The following NRG1 variants were observed in gnomAD, a reference collection of about 807,000 sequenced individuals.
The protein encoded by NRG1 is pro-neuregulin-1, membrane-bound isoform.
Under a neutral mutation model 63.8 loss-of-function variants are expected in NRG1, and 18 were observed. The ratio of observed to expected loss-of-function variants is 0.28; its 90% CI spans 0.19 to 0.42. The LOEUF (loss-of-function observed/expected upper bound fraction) is 0.42, where lower values mean the gene tolerates loss of function less well. NRG1 is among the 10% of genes least tolerant of loss of function. The pLI is 1.00. For synonymous variants in NRG1, 302 were observed against 301.3 expected (o/e 1.00, Z -0.02); for missense variants, 762 against 814.7 (o/e 0.94, Z 0.79).
At chr8:32,650,655 CAAAAAAAAAA>C (rs59103241) in intron 5 of NRG1, among the ~76,000 whole-genome samples, 4 of 57,820 alleles carry the variant, frequency 6.9e-5, no homozygotes, top group Non-Finnish European at 1.2e-4. Flanking sequence ...TAATGGAAAG[CAAAAAAAAAA>C]AAAAAAAAAA....
chr8:32,643,061 T>C lies in NRG1; in HGVS notation c.502+26176T>C, dbSNP rs538266293. ...GATGTTTTTCTTCATTGAAGCCAGCTTAGAAGGAAGCTGAAATATTATGAA... is the reference window on the plus strand; with the variant it reads ...GATGTTTTTCTTCATTGAAGCCAGCCTAGAAGGAAGCTGAAATATTATGAA... On this transcript the variant is annotated intron_variant, in intron 5 of 11. Transcript: ENST00000356819. 2.6e-5 allele frequency among the ~76,000 whole-genome samples: 4 copies of C among 152,336 alleles called. No individual in the cohort carries two copies. In the South Asian group the frequency reaches 8.3e-4, roughly 32 times the overall value.
chr8:32,034,924 G>GT (rs200952078), intron 1 of NRG1, among the ~76,000 whole-genome samples: 2,537 of 151,008 alleles, frequency 0.017, 46 homozygotes, highest in Middle Eastern at 0.055. Flanking sequence ...ATTTTTAAAG[G>GT]TTTTTTGTGT....
intron 1 of NRG1, among the ~76,000 whole-genome samples, chr8:32,288,727 G>A (rs1019545829): frequency 2.6e-5 from 4 of 152,068 alleles, no homozygotes; most frequent in Non-Finnish European, 5.9e-5. Context: ...CTTTTGCATC[G>A]TCAGCGTGAG....
intron 1 of NRG1, among the ~76,000 whole-genome samples, chr8:31,823,616 G>A (rs192467123): frequency 6.6e-6 from 1 of 152,274 alleles, no homozygotes; most frequent in East Asian, 1.9e-4. Flanking sequence ...GCCTTTGGAT[G>A]TAAGTAAACA....
intron 1 of NRG1, among the ~76,000 whole-genome samples, chr8:32,246,646 C>G (rs1277481146): frequency 6.6e-6 from 1 of 152,112 alleles, no homozygotes; most frequent in Non-Finnish European, 1.5e-5. Context: ...TTTGAAAAAT[C>G]ATTTTCAAAC....
chr8:31,703,218 C>T (rs893167758), intron 1 of NRG1, among the ~76,000 whole-genome samples: 11 of 151,462 alleles, frequency 7.3e-5, no homozygotes, highest in Admixed American at 1.3e-4. Context: ...AAAGTGTCTG[C>T]TGTAATTTTG....
rs1348274249 is a variant in NRG1 at position 31,640,912 on chromosome 8, C to G, written c.37+1481C>G. ...GGAGGTTTCGCTTTCTCCAGCTTCC[C>G]TTGTCTTAGGCTTTGCCACTGGAGA... On this transcript the variant is annotated intron_variant, in intron 1 of 10. Transcript: ENST00000519301. The surrounding 1 kb of genome is among the most constrained non-coding windows in gnomAD (Gnocchi z 6.3). Among the ~76,000 whole-genome samples, 1 of 152,244 alleles carries G rather than the reference C, an allele frequency of 6.6e-6. No individual in the cohort carries two copies. Among genetic ancestry groups the G allele is most frequent in the Non-Finnish European group, 1.5e-5 (1 of 68,044 alleles).
chr8:31,688,491 C>G (rs116764429), intron 1 of NRG1, among the ~76,000 whole-genome samples: 4 of 152,096 alleles, frequency 2.6e-5, no homozygotes, highest in African/African-American at 9.7e-5. Flanking sequence ...TACCCGTCAA[C>G]GATATTGTCC....
chr8:32,022,791 T>G (rs1198281150), intron 1 of NRG1, among the ~76,000 whole-genome samples: 2 of 152,222 alleles, frequency 1.3e-5, no homozygotes, highest in East Asian at 3.9e-4. Context: ...ATGAAATGAA[T>G]GAGTCCACAA....
At chr8:31,924,243 T>C (rs1286451200) in intron 1 of NRG1, among the ~76,000 whole-genome samples, 1 of 151,828 alleles carries the variant, frequency 6.6e-6, no homozygotes, top group African/African-American at 2.4e-5. Flanking sequence ...TAGTCCCAGT[T>C]ACTCAGGAGG....
At chr8:31,802,247 G>A (rs992778194) in intron 1 of NRG1, among the ~76,000 whole-genome samples, 7 of 152,164 alleles carry the variant, frequency 4.6e-5, no homozygotes, top group Admixed American at 6.5e-5. Flanking sequence ...GTGCAAGCAA[G>A]TTTCCTCCAT....
chr8:32,763,772 G>A (rs540470398), exon 12 of NRG1: 178 of 1,561,822 alleles, frequency 1.1e-4, no homozygotes, highest in Middle Eastern at 1.7e-4. Flanking sequence ...TGACCACCCC[G>A]GCTCGTATGT....
At chr8:32,383,176 G>C (rs1367813293) in intron 1 of NRG1, among the ~76,000 whole-genome samples, 1 of 152,130 alleles carries the variant, frequency 6.6e-6, no homozygotes, top group Non-Finnish European at 1.5e-5. Flanking sequence ...AGTGAGCTAT[G>C]ATGGCATTAC....
At chr8:32,442,954 G>A (rs977137808) in intron 1 of NRG1, among the ~76,000 whole-genome samples, 2 of 151,366 alleles carry the variant, frequency 1.3e-5, no homozygotes, top group African/African-American at 4.9e-5. Flanking sequence ...TTCTGAGTCA[G>A]GGTCTTGCTC....
chr8:32,209,374 C>T (rs1488678719), intron 1 of NRG1, among the ~76,000 whole-genome samples: 1 of 151,950 alleles, frequency 6.6e-6, no homozygotes, highest in African/African-American at 2.4e-5. Flanking sequence ...GTTTTTCTAG[C>T]TTTTTTTATT....
Position 32,727,944 on chromosome 8 carries a change from T to C in NRG1, c.503-5T>C. Reference sequence around the variant, plus strand: ...GTTAACCTTTCTCCTTTCTCTCCTCTTCAGCTACATCTACATCCACCACTG... The same window carrying C: ...GTTAACCTTTCTCCTTTCTCTCCTCCTCAGCTACATCTACATCCACCACTG... On this transcript the variant is annotated splice_region_variant and splice_polypyrimidine_tract_variant and intron_variant, in intron 5 of 11. Coordinates refer to ENST00000356819, the Ensembl canonical transcript of NRG1. The C allele has an allele frequency of 6.2e-7, 1 of 1,613,856 alleles. No homozygotes were observed. Among genetic ancestry groups the C allele is most frequent in the Non-Finnish European group, 8.5e-7 (1 of 1,179,834 alleles).
chr8:32,693,336 A>G (rs1812336662), intron 5 of NRG1, among the ~76,000 whole-genome samples: 1 of 151,426 alleles, frequency 6.6e-6, no homozygotes, highest in Non-Finnish European at 1.5e-5. Context: ...CTCCTGCGTC[A>G]GCCTCCCAAG....
intron 1 of NRG1, among the ~76,000 whole-genome samples, chr8:31,902,284 G>T (rs899859353): frequency 1.3e-5 from 2 of 152,146 alleles, no homozygotes; most frequent in African/African-American, 4.8e-5. Context: ...TAGAAAATGG[G>T]ACTTAAAAAT....
At position 32,364,957 on chromosome 8, in the gene NRG1, C is replaced by CTTTTTTTTTTT. The variant is rs372216683; in HGVS notation, c.38-230862_38-230852dup. Among the ~76,000 whole-genome samples the CTTTTTTTTTTT allele has an allele frequency of 6.2e-3, 671 of 108,322 alleles. 24 individuals carry two copies. Among genetic ancestry groups the CTTTTTTTTTTT allele is most frequent in the East Asian group, 0.015 (48 of 3,232 alleles). 71.1% of individuals were successfully genotyped at this position (108,322 alleles called of 152,430 possible). On this transcript the variant is annotated intron_variant, in intron 1 of 10. Coordinates refer to the NRG1 transcript ENST00000519301. ...TGAATAAAATGTACTCCCTTTACTA[C>CTTTTTTTTTTT]TTTTTTTTTTTTTTTTTTTGAGACA... is the stretch of plus-strand genomic sequence containing the variant.
Sources: gnomAD v4.1 joint callset for allele counts (sites outside exome capture counted in the v4.1 genomes callset) on GRCh38, gnomAD v4.1.1 for gene constraint, Gnocchi (gnomAD v3.1) non-coding constraint, MANE v1.5 for transcripts, NCBI Gene and HGNC (gene_info 2026-07-23, HGNC 2026-07-21) for gene names.